The following KCNU1 variants were observed in gnomAD, a reference collection of about 807,000 sequenced individuals.
KCNU1 encodes potassium calcium-activated channel subfamily U member 1, also known as potassium channel subfamily U member 1.
In KCNU1, 93 loss-of-function variants were observed where a neutral mutation model predicts 126.8. That is an observed-to-expected ratio of 0.73 (90% CI 0.62 to 0.87). The LOEUF (loss-of-function observed/expected upper bound fraction) is 0.87. KCNU1 is among the 40% of genes least tolerant of loss of function. The pLI is 0.00. For missense variants in KCNU1, 1,330 were observed against 1,367.1 expected (o/e 0.97, Z 0.43); for synonymous variants, 523 against 494.2 (o/e 1.06, Z -0.77).
At chr8:36,809,267 A>G (rs1803620984) in intron 7 of KCNU1, among the ~76,000 whole-genome samples, 1 of 152,092 alleles carries the variant, frequency 6.6e-6, no homozygotes, top group Non-Finnish European at 1.5e-5. Context: ...TGCCTGTAGG[A>G]AAGTCTGGTT....
At chr8:36,911,913 A>C (rs1232482928) in intron 22 of KCNU1, among the ~76,000 whole-genome samples, 2 of 152,206 alleles carry the variant, frequency 1.3e-5, no homozygotes, top group Non-Finnish European at 2.9e-5. Context: ...AAAAGGGAAA[A>C]AGCTTATACA....
intron 19 of KCNU1, among the ~76,000 whole-genome samples, chr8:36,886,322 T>C (rs545071727): frequency 4.6e-5 from 7 of 152,198 alleles, no homozygotes; most frequent in African/African-American, 1.7e-4. Context: ...CATATCCTAT[T>C]GTAAAACAAA....
chr8:36,918,686 T>A lies in KCNU1; in HGVS notation c.2522-137T>A, dbSNP rs571052730. The A allele has an allele frequency of 1.1e-4, 70 of 645,420 alleles. 1 individual carries two copies. The South Asian group carries it at 1.3e-3, about 12-fold the overall frequency. The allele number at this position is 645,420 out of a possible 1,614,324, so 40.0% of individuals were successfully genotyped here. A position where few individuals can be genotyped will look rare whatever the true frequency, so the allele number is the denominator to read the frequency against. On this transcript the variant is annotated intron_variant, in intron 22 of 26. Transcript: ENST00000399881. The stretch of plus-strand genomic sequence containing the variant: ...CACATAACAATTTTTTGTCTAAACA[T>A]AGTAAAGGATTTGGGATTTATACAT...
In KCNU1 at chr8:36,909,436, C is replaced by T. The variant is rs1585549451; in HGVS notation, c.2232C>T (p.Thr744=). ...FVMPLRASNY[T]RKELKDIVFI... Reference sequence around the variant, plus strand: ...TGCCCTTGAGAGCCAGCAACTATACCAGGAAGGAGCTGAAGGACATAGTGT... The same window carrying T: ...TGCCCTTGAGAGCCAGCAACTATACTAGGAAGGAGCTGAAGGACATAGTGT... The change falls in exon 21 of 27, where the codon ACC becomes ACT. Residue 744 remains threonine (T), a synonymous_variant. Transcript: ENST00000399881. The T allele has an allele frequency of 5.0e-6, 8 of 1,613,072 alleles. No homozygotes were observed. In the East Asian group the frequency reaches 1.8e-4, roughly 36 times the overall value.
chr8:36,925,040 C>T (rs1461117610), intron 24 of KCNU1, among the ~76,000 whole-genome samples: 2 of 152,132 alleles, frequency 1.3e-5, no homozygotes, highest in East Asian at 1.9e-4. Context: ...ATTCCTCCCA[C>T]CACTCAGCAC....
intron 21 of KCNU1, among the ~76,000 whole-genome samples, chr8:36,910,240 C>A (rs769297889): frequency 6.6e-6 from 1 of 152,020 alleles, no homozygotes; most frequent in Non-Finnish European, 1.5e-5. Flanking sequence ...TACTTTTGCA[C>A]CAACCTAATG....
intron 7 of KCNU1, among the ~76,000 whole-genome samples, chr8:36,811,445 A>T (rs915769829): frequency 6.6e-6 from 1 of 152,170 alleles, no homozygotes; most frequent in Non-Finnish European, 1.5e-5. Flanking sequence ...ATTGGTCAAT[A>T]CCAGAAGATG....
At chr8:36,825,282 A>C (rs1323714244) in intron 10 of KCNU1, among the ~76,000 whole-genome samples, 6 of 152,206 alleles carry the variant, frequency 3.9e-5, no homozygotes, top group Non-Finnish European at 5.9e-5. Flanking sequence ...GGACTCCCTC[A>C]TATTAAATGA....
intron 2 of KCNU1, among the ~76,000 whole-genome samples, chr8:36,794,409 A>T (rs28669204): frequency 2.2e-4 from 34 of 151,870 alleles, no homozygotes; most frequent in African/African-American, 7.7e-4. Context: ...TATATATATA[A>T]CTCAGTGTGT....
Position 36,840,542 on chromosome 8 carries a change from A to G in KCNU1, c.1598A>G (p.Asp533Gly). The G allele has an allele frequency of 6.2e-7, 1 of 1,612,268 alleles. No homozygotes were observed. Among genetic ancestry groups the G allele is most frequent in the Non-Finnish European group, 8.5e-7 (1 of 1,178,572 alleles). Reference sequence around the variant, plus strand: ...ATTCTGACCCAACGTCTCTCTGATGACTTTGCTGGAATGAGCTTTCCTGAA... The same window carrying G: ...ATTCTGACCCAACGTCTCTCTGATGGCTTTGCTGGAATGAGCTTTCCTGAA... ...NKILTQRLSD[D>G]FAGMSFPEVA... The change falls in exon 15 of 27, where the codon GAC becomes GGC. Residue 533 changes from aspartate (D) to glycine (G), a missense_variant. This residue lies in a region of KCNU1 where 1,054 missense variants were observed against 1,053.9 expected (regional missense o/e 1.00). Coordinates refer to ENST00000399881, the MANE Select transcript of KCNU1 (RefSeq NM_001031836.3).
intron 10 of KCNU1, among the ~76,000 whole-genome samples, chr8:36,832,673 G>T (rs1804596564): frequency 1.3e-5 from 2 of 151,972 alleles, no homozygotes; most frequent in African/African-American, 4.8e-5. Context: ...ATTTTTCAAA[G>T]AACTGACTTT....
chr8:36,911,701 G>A (rs2117536597), intron 22 of KCNU1, among the ~76,000 whole-genome samples: 1 of 152,298 alleles, frequency 6.6e-6, no homozygotes, highest in East Asian at 1.9e-4. Context: ...GGTCTTTCCA[G>A]GATGGGGATC....
intron 10 of KCNU1, among the ~76,000 whole-genome samples, chr8:36,824,325 A>C (rs573632294): frequency 6.6e-6 from 1 of 152,226 alleles, no homozygotes; most frequent in Non-Finnish European, 1.5e-5. Context: ...TAGTGAGTAC[A>C]GTACAATATG....
intron 10 of KCNU1, among the ~76,000 whole-genome samples, chr8:36,818,985 C>T (rs538882486): frequency 6.6e-6 from 1 of 152,102 alleles, no homozygotes; most frequent in African/African-American, 2.4e-5. Flanking sequence ...TTATTATAAT[C>T]CAATTGAGAC....
At chr8:36,848,019 G>T (rs1483942807) in intron 18 of KCNU1, among the ~76,000 whole-genome samples, 1 of 152,108 alleles carries the variant, frequency 6.6e-6, no homozygotes, top group Non-Finnish European at 1.5e-5. Context: ...ATTGTAACTG[G>T]AGTAAAATGA....
chr8:36,812,053 G>C (rs1803737663), intron 7 of KCNU1, among the ~76,000 whole-genome samples: 1 of 151,780 alleles, frequency 6.6e-6, no homozygotes, highest in African/African-American at 2.4e-5. Context: ...GACAGAGTGA[G>C]AATCCATCTC....
At chr8:36,924,039 A>T (rs1237017957) in intron 24 of KCNU1, among the ~76,000 whole-genome samples, 1 of 152,160 alleles carries the variant, frequency 6.6e-6, no homozygotes, top group African/African-American at 2.4e-5. Flanking sequence ...TTATTTTTAA[A>T]CCAAGATGAG....
At chr8:36,795,721 A>C (rs2130363880) in intron 2 of KCNU1, 1 of 152,406 alleles carries the variant, frequency 6.6e-6, no homozygotes, top group East Asian at 1.9e-4. Flanking sequence ...GGATCTTCCA[A>C]CACAGAACTT....
intron 26 of KCNU1, among the ~76,000 whole-genome samples, chr8:36,934,150 C>A (rs1475634402): frequency 6.6e-6 from 1 of 151,834 alleles, no homozygotes; most frequent in Non-Finnish European, 1.5e-5. Flanking sequence ...AGAGGTGGAA[C>A]AATGTTAGGA....
Sources: allele counts gnomAD v4.1 joint callset (sites outside exome capture counted in the v4.1 genomes callset), GRCh38; gene constraint gnomAD v4.1.1; regional missense constraint gnomAD v4.1.1; transcripts MANE v1.5; gene names NCBI Gene and HGNC (gene_info 2026-07-23, HGNC 2026-07-21).